The following PIGR variants were observed in gnomAD, a reference collection of about 807,000 sequenced individuals.
The protein encoded by PIGR is hepatocellular carcinoma associated protein TB6.
Under a neutral mutation model 69.5 loss-of-function variants are expected in PIGR, and 22 were observed. The observed-to-expected ratio is 0.32, with a 90% CI of 0.23 to 0.45. The LOEUF (loss-of-function observed/expected upper bound fraction) is 0.45, where lower values mean the gene tolerates loss of function less well. Among genes scored for constraint, PIGR ranks in the 20% least tolerant of loss-of-function variants. The pLI, the probability that PIGR is intolerant of heterozygous loss-of-function variation, is 1.00. For synonymous variants in PIGR, 413 were observed against 407.6 expected, an observed-to-expected ratio of 1.01 and a Z score of -0.16; for missense variants, 885 against 974.0, an observed-to-expected ratio of 0.91 and a Z score of 1.22.
intron 1 of PIGR, among the ~76,000 whole-genome samples, chr1:206,944,919 C>T (rs79775165): frequency 2.0e-5 from 3 of 152,158 alleles, no homozygotes; most frequent in African/African-American, 4.8e-5. Flanking sequence ...AATGACATCA[C>T]AAAACCAACC....
rs1679740237 is a variant in PIGR, at chr1:206,931,229, C to T, written c.2199+268G>A. The T allele has an allele frequency of 3.0e-6, 3 of 985,294 alleles. No individual in the cohort carries two copies. The East Asian group carries it at 3.4e-4, about 112-fold the overall frequency. 61.0% of individuals were successfully genotyped at this position (985,294 alleles called of 1,614,324 possible). A position where few individuals can be genotyped will look rare whatever the true frequency, so the allele number is the denominator to read the frequency against. On this transcript the variant is annotated intron_variant, in intron 10 of 10. Transcript: ENST00000356495. ...TCCCATCTTTTATGCACCTGCTTTC[C>T]TCATCTCCTGGCCTGCCTCTCTCCT...
rs370527545 is a variant in PIGR, at chr1:206,937,344, C to T, written c.796G>A (p.Val266Met). The T allele has an allele frequency of 4.3e-6, 7 of 1,612,980 alleles. No individual in the cohort carries two copies. The highest frequency in any genetic ancestry group is 4.0e-5 in the African/African-American group (3 of 74,896). The change falls in exon 4 of 11, where the codon GTG becomes ATG. Residue 266 changes from valine to methionine, a missense_variant. Transcript: ENST00000356495. ...CTCTGTCGGCACAGAAATTTGGCCACGTTTGCCACCTCAGGGCCCAGGGCA... is the reference window on the plus strand; with the variant it reads ...CTCTGTCGGCACAGAAATTTGGCCATGTTTGCCACCTCAGGGCCCAGGGCA... Reference protein sequence around the residue: ...HCALGPEVANVAKFLCRQSSG... With the variant: ...HCALGPEVANMAKFLCRQSSG...
In PIGR at chr1:206,930,711, G is replaced by C. The variant is rs1275321839; in HGVS notation, c.2200-298C>G. 1 of 985,300 alleles carries C rather than the reference G, an allele frequency of 1.0e-6. No homozygotes were observed. The highest frequency in any genetic ancestry group is 1.2e-6 in the Non-Finnish European group (1 of 829,930). The allele number at this position is 985,300 out of a possible 1,614,324, so 61.0% of individuals were successfully genotyped here. On this transcript the variant is annotated intron_variant, in intron 10 of 10. Transcript: ENST00000356495. The surrounding 1 kb of genome is among the most constrained non-coding windows in gnomAD (Gnocchi z 4.3). Reference sequence around the variant, plus strand: ...CGGAAGCTGCCCACACAGTCCACGGGCAAGGTGGCCTAGGCTGGGGTCAAC... The same window carrying C: ...CGGAAGCTGCCCACACAGTCCACGGCCAAGGTGGCCTAGGCTGGGGTCAAC...
chr1:206,943,558 G>A (rs1345872941), intron 1 of PIGR, among the ~76,000 whole-genome samples: 1 of 152,220 alleles, frequency 6.6e-6, no homozygotes, highest in African/African-American at 2.4e-5. Context: ...AGTGTAAGCT[G>A]TGCTGAAGGA....
In PIGR at chr1:206,930,654, G is replaced by A; in HGVS notation, c.2200-241C>T. The stretch of plus-strand genomic sequence containing the variant: ...TCACTACCTCCTTCTGACACACGGA[G>A]TGGAACCGCCTCTGTTGCCCGGGCC... On this transcript the variant is annotated intron_variant, in intron 10 of 10. Transcript: ENST00000356495. This position sits in a 1 kb window ranked among gnomAD's most constrained non-coding sequence, Gnocchi z 4.3. 1.0e-6 allele frequency: 1 copy of A among 985,380 alleles called. No homozygotes were observed. The highest frequency in any genetic ancestry group is 1.2e-6 in the Non-Finnish European group (1 of 829,928). 61.0% of individuals were successfully genotyped at this position (985,380 alleles called of 1,614,324 possible).
chr1:206,941,782 C>A (rs935634542), intron 1 of PIGR, among the ~76,000 whole-genome samples: 5 of 152,226 alleles, frequency 3.3e-5, no homozygotes, highest in Admixed American at 6.5e-5. Context: ...TCATCAAGAC[C>A]CCAACTACAG....
Position 206,935,955 on chromosome 1 carries a change from A to G in PIGR, c.1046-137T>C. On this transcript the variant is annotated intron_variant, in intron 4 of 10. Coordinates refer to ENST00000356495, the MANE Select transcript of PIGR (RefSeq NM_002644.4). The surrounding 1 kb of genome is among the most constrained non-coding windows in gnomAD (Gnocchi z 4.4). ...ACGCATCACCTTACCCTCTTCAGAA[A>G]ATGAAAAGGAGCTTTCCTAATGTCA... 1 of 638,072 alleles carries G rather than the reference A, an allele frequency of 1.6e-6. No individual in the cohort carries two copies. Among genetic ancestry groups the G allele is most frequent in the Non-Finnish European group, 2.7e-6 (1 of 368,532 alleles). The allele number at this position is 638,072 out of a possible 1,614,324, so 39.5% of individuals were successfully genotyped here. A position where few individuals can be genotyped will look rare whatever the true frequency, so the allele number is the denominator to read the frequency against.
rs1162361496 is a variant in PIGR at position 206,934,609 on chromosome 1, G to A, written c.1516C>T (p.Leu506=). 6.2e-7 allele frequency: 1 copy of A among 1,614,216 alleles called. No homozygotes were observed. Among genetic ancestry groups the A allele is most frequent in the East Asian group, 2.2e-5 (1 of 44,884 alleles). ...CTGGGGCCTTCGTCTTGGCTGGGCA[G>A]GGCCTGGCAGCCCGTGTTATTCCAC... ...CKWNNTGCQA[L]PSQDEGPSKA... is the part of the protein sequence containing the mutation. The change falls in exon 6 of 11, where the codon CTG becomes TTG. Residue 506 remains leucine, a synonymous_variant. Coordinates refer to ENST00000356495, the MANE Select transcript of PIGR (RefSeq NM_002644.4).
At chr1:206,941,953 C>A (rs1239207489) in intron 1 of PIGR, among the ~76,000 whole-genome samples, 2 of 152,258 alleles carry the variant, frequency 1.3e-5, no homozygotes, top group Non-Finnish European at 2.9e-5. Context: ...TGGGCGTTAT[C>A]TCCCAGACCT....
chr1:206,932,629 G>A (rs112759742), intron 7 of PIGR, 52 bp from the exon 8 acceptor site: 77 of 1,554,776 alleles, frequency 5.0e-5, no homozygotes, highest in South Asian at 2.8e-4. Context: ...CTGGGGGCCC[G>A]ACGATGTGCT....
Position 206,929,401 on chromosome 1 carries a change from G to C in PIGR, c.*917C>G, listed in dbSNP as rs1224114795. On this transcript the variant is annotated 3_prime_UTR_variant, in exon 11 of 11. Transcript: ENST00000356495. ...TCTCTACTAAAAATACAAAAAATTAGCCAGGCGTGCTGGCAGGCGCCTGTA... is the reference window on the plus strand; with the variant it reads ...TCTCTACTAAAAATACAAAAAATTACCCAGGCGTGCTGGCAGGCGCCTGTA... 6.6e-6 allele frequency: 1 copy of C among 152,090 alleles called. No homozygotes were observed. The highest frequency in any genetic ancestry group is 1.5e-5 in the Non-Finnish European group (1 of 68,028). 9.4% of individuals were successfully genotyped at this position (152,090 alleles called of 1,614,324 possible). A position where few individuals can be genotyped will look rare whatever the true frequency, so the allele number is the denominator to read the frequency against.
Position 206,937,495 on chromosome 1 carries a change from A to C in PIGR, c.645T>G (p.Ala215=), listed in dbSNP as rs1328186312. ...VVINQLRLSD[A]GQYLCQAGDD... ...CCCCAGCCTGGCAGAGATACTGCCC[A>C]GCATCGCTGAGCCTGAGTTGGTTGA... Residue 215 remains alanine, a synonymous_variant, in exon 4 of 11, where the codon GCT becomes GCG. Coordinates refer to ENST00000356495, the MANE Select transcript of PIGR (RefSeq NM_002644.4). 1 of 1,614,126 alleles carries C rather than the reference A, an allele frequency of 6.2e-7. No individual in the cohort carries two copies. Among genetic ancestry groups the C allele is most frequent in the Non-Finnish European group, 8.5e-7 (1 of 1,180,058 alleles).
At chr1:206,936,765 G>T (rs1679869298) in intron 4 of PIGR, among the ~76,000 whole-genome samples, 1 of 152,164 alleles carries the variant, frequency 6.6e-6, no homozygotes, top group South Asian at 2.1e-4. Context: ...AGGGGACAGA[G>T]GACCCCTGCA....
intron 5 of PIGR, 125 bp from the exon 6 acceptor site, chr1:206,934,871 G>T: frequency 1.7e-6 from 1 of 578,292 alleles, no homozygotes; most frequent in Non-Finnish European, 2.8e-6. Context: ...TTTTGTTTTT[G>T]TTTTTGAGAC....
At chr1:206,940,692 A>G (rs291090) in intron 1 of PIGR, 108 bp from the exon 2 acceptor site, 58,023 of 632,488 alleles carry the variant, frequency 0.092, 11,659 homozygotes, top group African/African-American at 0.62. Context: ...AGCAACTGAC[A>G]TAAATCCTGT....
Position 206,933,045 on chromosome 1 carries a change from CT to C in PIGR, c.1826del (p.Lys609ArgfsTer221). The C allele has an allele frequency of 6.2e-7, 1 of 1,614,210 alleles. No homozygotes were observed. ...IQDPRLFAEE[K>X]AVADTRDQAD... ...CTTGATCTCTTGTATCTGCCACCGCCTTTTCCTCTGCAAAAAGCCTGGGATC... is the reference window on the plus strand; with the variant it reads ...CTTGATCTCTTGTATCTGCCACCGCCTTTCCTCTGCAAAAAGCCTGGGATC... On this transcript the variant is annotated frameshift_variant, in exon 7 of 11. Transcript: ENST00000356495. LOFTEE classifies it high-confidence loss of function.
chr1:206,934,722 C>T lies in PIGR; in HGVS notation c.1403G>A (p.Gly468Glu). The T allele has an allele frequency of 1.2e-6, 2 of 1,608,518 alleles. No individual in the cohort carries two copies. The highest frequency in any genetic ancestry group is 1.7e-6 in the Non-Finnish European group (2 of 1,179,690). ...IEGEPNLKVP[G>E]NVTAVLGETL... Reference sequence around the variant, plus strand: ...CTCTCCCAGCACAGCCGTGACATTCCCTGGTACCTTGAGGTTTGGTTCTCC... The same window carrying T: ...CTCTCCCAGCACAGCCGTGACATTCTCTGGTACCTTGAGGTTTGGTTCTCC... The change falls in exon 6 of 11, where the codon GGG (glycine) becomes GAG (glutamate). Residue 468 changes from glycine (G) to glutamate (E), a missense_variant. Transcript: ENST00000356495.
At chr1:206,941,199 C>T (rs1558015781) in intron 1 of PIGR, among the ~76,000 whole-genome samples, 1 of 152,116 alleles carries the variant, frequency 6.6e-6, no homozygotes, top group Non-Finnish European at 1.5e-5. Flanking sequence ...TCCTTATCCA[C>T]ATTCACATGG....
intron 3 of PIGR, among the ~76,000 whole-genome samples, chr1:206,937,962 T>C (rs1236823524): frequency 6.6e-6 from 1 of 152,254 alleles, no homozygotes; most frequent in Admixed American, 6.5e-5. Context: ...CTCCCTGCCC[T>C]GTGCTTTCTT....
Sources: allele counts gnomAD v4.1 joint callset (sites outside exome capture counted in the v4.1 genomes callset), GRCh38; gene constraint gnomAD v4.1.1; non-coding constraint Gnocchi (gnomAD v3.1); transcripts MANE v1.5; gene names NCBI Gene and HGNC (gene_info 2026-07-23, HGNC 2026-07-21).